The following TANC2 variants were observed in gnomAD, a reference collection of about 807,000 sequenced individuals.
TANC2 encodes protein TANC2.
Under a neutral mutation model 210.5 loss-of-function variants are expected in TANC2, and 26 were observed. The observed-to-expected ratio is 0.12, with a 90% CI of 0.09 to 0.17. The LOEUF is 0.17. Among genes scored for constraint, TANC2 ranks in the 10% least tolerant of loss-of-function variants. The pLI is 1.00. For missense variants in TANC2, 2,129 were observed against 2,608.9 expected (o/e 0.82, Z 4.01); for synonymous variants, 931 against 967.1 (o/e 0.96, Z 0.69).
At chr17:63,199,345 G>A (rs904679010) in intron 6 of TANC2, among the ~76,000 whole-genome samples, 2 of 152,068 alleles carry the variant, frequency 1.3e-5, no homozygotes, top group African/African-American at 4.8e-5. Flanking sequence ...AATGTTGGCC[G>A]GGTGTAGTGG....
intron 1 of TANC2, among the ~76,000 whole-genome samples, chr17:62,977,914 C>T (rs1263281214): frequency 6.6e-6 from 1 of 152,000 alleles, no homozygotes; most frequent in Admixed American, 6.6e-5. Context: ...CATAAATATA[C>T]AGGCTTCTTG....
At chr17:63,289,276 CT>C (rs1358441461) in intron 9 of TANC2, among the ~76,000 whole-genome samples, 1 of 151,980 alleles carries the variant, frequency 6.6e-6, no homozygotes, top group Non-Finnish European at 1.5e-5. Flanking sequence ...TCCTTTTTCT[CT>C]TTTTTCTCCT....
chr17:63,123,683 C>CTTTTTTT (rs957485298), intron 4 of TANC2, among the ~76,000 whole-genome samples: 16 of 93,888 alleles, frequency 1.7e-4, no homozygotes, highest in Admixed American at 3.6e-4. Context: ...TAGGTAAAAT[C>CTTTTTTT]TTTTTTTTTT....
At position 63,238,082 on chromosome 17, in the gene TANC2, GT is replaced by G. The variant is rs2042671569; in HGVS notation, c.1033+10del. 6.5e-7 allele frequency: 1 copy of G among 1,527,350 alleles called. No individual in the cohort carries two copies. Among genetic ancestry groups the G allele is most frequent in the African/African-American group, 1.4e-5 (1 of 71,604 alleles). 94.6% of individuals were successfully genotyped at this position (1,527,350 alleles called of 1,614,324 possible). A position where few individuals can be genotyped will look rare whatever the true frequency, so the allele number is the denominator to read the frequency against. On this transcript the variant is annotated splice_donor_region_variant and intron_variant, in intron 8 of 27. Transcript: ENST00000689528. ...CACGGCCAAATTCAGTAGCAGGTAAGTTTTTGTTGTTGTTGTTGTTGTTGCT... is the reference window on the plus strand; with the variant it reads ...CACGGCCAAATTCAGTAGCAGGTAAGTTTTGTTGTTGTTGTTGTTGTTGCT...
At chr17:63,270,819 A>C (rs1220998610) in intron 9 of TANC2, among the ~76,000 whole-genome samples, 3 of 151,504 alleles carry the variant, frequency 2.0e-5, no homozygotes, top group African/African-American at 7.3e-5. Context: ...CCCTCCTCCT[A>C]CCTCCTCCCA....
intron 1 of TANC2, chr17:62,968,441 T>A (rs2031490472): frequency 6.6e-6 from 1 of 152,158 alleles, no homozygotes; most frequent in South Asian, 2.1e-4. Context: ...AAGACAAAAA[T>A]AGATTTTCCT....
At chr17:63,223,278 G>A (rs1371185413) in intron 7 of TANC2, among the ~76,000 whole-genome samples, 1 of 152,192 alleles carries the variant, frequency 6.6e-6, no homozygotes. Context: ...GCCCAAGAAG[G>A]TTCTTGGCTT....
At chr17:63,139,740 A>C (rs1199231636) in intron 4 of TANC2, among the ~76,000 whole-genome samples, 1 of 152,168 alleles carries the variant, frequency 6.6e-6, no homozygotes, top group Non-Finnish European at 1.5e-5. Context: ...TGTCTGTACA[A>C]AACATTTTTA....
At chr17:63,105,081 A>G (rs2037774698) in intron 4 of TANC2, among the ~76,000 whole-genome samples, 1 of 151,720 alleles carries the variant, frequency 6.6e-6, no homozygotes, top group South Asian at 2.1e-4. Context: ...TATGTCAAAT[A>G]TGTGTTCTGA....
At chr17:62,976,820 T>C (rs1287315247) in intron 1 of TANC2, among the ~76,000 whole-genome samples, 2 of 152,216 alleles carry the variant, frequency 1.3e-5, no homozygotes, top group Admixed American at 1.3e-4. Flanking sequence ...AGCTTGTTCC[T>C]CTTCCTTATT....
intron 9 of TANC2, among the ~76,000 whole-genome samples, chr17:63,276,394 A>G (rs1333831376): frequency 6.6e-6 from 1 of 152,042 alleles, no homozygotes; most frequent in East Asian, 1.9e-4. Flanking sequence ...TCCTATTTTA[A>G]AACCTTTACT....
chr17:63,205,509 A>G (rs975147710), intron 7 of TANC2, among the ~76,000 whole-genome samples: 1 of 152,166 alleles, frequency 6.6e-6, no homozygotes, highest in Non-Finnish European at 1.5e-5. Flanking sequence ...TGCATTTGGT[A>G]TTGATTCCTT....
At chr17:63,213,729 T>G (rs530735507) in intron 7 of TANC2, among the ~76,000 whole-genome samples, 1 of 152,350 alleles carries the variant, frequency 6.6e-6, no homozygotes, top group Admixed American at 6.5e-5. Context: ...GGGCTATTAC[T>G]GAAAGACTGA....
At chr17:63,107,005 C>A (rs1159452006) in intron 4 of TANC2, among the ~76,000 whole-genome samples, 1 of 151,414 alleles carries the variant, frequency 6.6e-6, no homozygotes, top group Non-Finnish European at 1.5e-5. Context: ...TGCGAAAGTG[C>A]CCAAATGACC....
intron 5 of TANC2, among the ~76,000 whole-genome samples, chr17:63,156,493 TGAGAG>T (rs1350235089): frequency 6.6e-6 from 1 of 151,898 alleles, no homozygotes; most frequent in Non-Finnish European, 1.5e-5. Flanking sequence ...TGGATAGACT[TGAGAG>T]GAGAATGAAA....
At position 62,966,287 on chromosome 17, in the gene TANC2, G is replaced by T. The variant is rs1361898152; in HGVS notation, c.-486G>T. On this transcript the variant is annotated 5_prime_UTR_variant, in exon 1 of 28. Coordinates refer to ENST00000689528, the Ensembl canonical transcript of TANC2. The surrounding 1 kb of genome is among the most constrained non-coding windows in gnomAD (Gnocchi z 5.1). ...CGCGGGTTGCTGGGCGCGCTGCTCC[G>T]GCGGGGCCCGCTGGCACAGCCGCCT... 5.5e-5 allele frequency among the ~76,000 whole-genome samples: 8 copies of T among 146,176 alleles called. No individual in the cohort carries two copies. The highest frequency in any genetic ancestry group is 5.4e-4 in the Admixed American group (8 of 14,744).
chr17:63,168,630 A>G (rs1256717472), intron 5 of TANC2, among the ~76,000 whole-genome samples: 2 of 152,200 alleles, frequency 1.3e-5, no homozygotes, highest in Admixed American at 6.5e-5. Flanking sequence ...ATACTCTGCA[A>G]TTCAACATAT....
intron 1 of TANC2, 76 bp from the exon 2 acceptor site, chr17:63,009,461 T>TA (rs1298353701): frequency 1.1e-6 from 1 of 930,424 alleles, no homozygotes; most frequent in Non-Finnish European, 1.7e-6. Flanking sequence ...CATGTATAGT[T>TA]ATTGACTATA....
chr17:63,044,173 G>A (rs929247394), intron 2 of TANC2, among the ~76,000 whole-genome samples: 1 of 151,932 alleles, frequency 6.6e-6, no homozygotes, highest in African/African-American at 2.4e-5. Flanking sequence ...GGTTCTCTTT[G>A]CTGTAACTGT....
Sources: allele counts gnomAD v4.1 joint callset (sites outside exome capture counted in the v4.1 genomes callset), GRCh38; gene constraint gnomAD v4.1.1; non-coding constraint Gnocchi (gnomAD v3.1); transcripts MANE v1.5; gene names NCBI Gene and HGNC (gene_info 2026-07-23, HGNC 2026-07-21).